TNIK: variants seen among roughly 807,000 people sequenced by gnomAD.
TNIK encodes the protein TRAF2 and NCK interacting kinase, also known as TRAF2 and NCK-interacting protein kinase.
In TNIK, 49 loss-of-function variants were observed where a neutral mutation model predicts 191.3. That is an observed-to-expected ratio of 0.26 (90% confidence interval 0.20 to 0.32). TNIK has a LOEUF of 0.32. Ranked by LOEUF, TNIK falls within the 10% of genes least tolerant of loss-of-function variation. TNIK has a pLI of 1.00. For synonymous variants in TNIK, 594 were observed against 600.9 expected, an observed-to-expected ratio of 0.99 and a Z score of 0.17; for missense variants, 1,155 against 1,702.3, an observed-to-expected ratio of 0.68 and a Z score of 5.66.
At chr3:171,108,754 T>C (rs928386042) in intron 19 of TNIK, among the ~76,000 whole-genome samples, 2 of 152,170 alleles carry the variant, frequency 1.3e-5, no homozygotes, top group Admixed American at 6.5e-5. Flanking sequence ...TAATTGGAGA[T>C]GGGAGTGGTC....
intron 2 of TNIK, among the ~76,000 whole-genome samples, chr3:171,338,658 TG>T (rs1226505059): frequency 1.5e-5 from 2 of 134,128 alleles, no homozygotes; most frequent in East Asian, 2.2e-4. Flanking sequence ...TCAGCTAAGT[TG>T]TTTTTTTTTT....
intron 1 of TNIK, among the ~76,000 whole-genome samples, chr3:171,409,707 C>A (rs957629748): frequency 1.1e-4 from 16 of 150,116 alleles, no homozygotes; most frequent in East Asian, 3.9e-4. Context: ...TCCCCAGACA[C>A]CACATACATC....
At chr3:171,263,342 A>G (rs1747900546) in intron 2 of TNIK, among the ~76,000 whole-genome samples, 1 of 152,214 alleles carries the variant, frequency 6.6e-6, no homozygotes, top group South Asian at 2.1e-4. Context: ...AAGGCTTTCA[A>G]ATTTAACTTT....
intron 2 of TNIK, among the ~76,000 whole-genome samples, chr3:171,309,603 A>C (rs1753808224): frequency 6.6e-6 from 1 of 152,158 alleles, no homozygotes; most frequent in African/African-American, 2.4e-5. Flanking sequence ...CCAATTACTG[A>C]TCTTACAATA....
At chr3:171,247,262 C>CGGTA (rs1463879208) in intron 2 of TNIK, among the ~76,000 whole-genome samples, 3 of 152,228 alleles carry the variant, frequency 2.0e-5, no homozygotes, top group African/African-American at 7.2e-5. Context: ...CATCTGTCCT[C>CGGTA]TACCAAGATT....
At chr3:171,204,559 G>A (rs945122005) in intron 4 of TNIK, among the ~76,000 whole-genome samples, 1 of 152,188 alleles carries the variant, frequency 6.6e-6, no homozygotes, top group Non-Finnish European at 1.5e-5. Flanking sequence ...CTAACAAAAT[G>A]CCACTAGTCT....
chr3:171,196,515 G>A (rs1436871821), intron 4 of TNIK, among the ~76,000 whole-genome samples: 2 of 151,956 alleles, frequency 1.3e-5, no homozygotes. Context: ...ACATCATGAG[G>A]ATACAATCAA....
In TNIK at chr3:171,339,964, T is replaced by C. The variant is rs187230616; in HGVS notation, c.123+29656A>G. Reference sequence around the variant, plus strand: ...TAGAAATAGTGTCCATATAATTATATACACAAATTATGAAAAATTCATAGA... The same window carrying C: ...TAGAAATAGTGTCCATATAATTATACACACAAATTATGAAAAATTCATAGA... On this transcript the variant is annotated intron_variant, in intron 2 of 32. Coordinates refer to ENST00000436636, the MANE Select transcript of TNIK (RefSeq NM_015028.4). 4.6e-5 allele frequency among the ~76,000 whole-genome samples: 7 copies of C among 152,286 alleles called. No homozygotes were observed. The East Asian group carries it at 1.4e-3, about 29-fold the overall frequency.
At chr3:171,095,848 C>T (rs1387800471) in intron 22 of TNIK, among the ~76,000 whole-genome samples, 1 of 152,090 alleles carries the variant, frequency 6.6e-6, no homozygotes, top group Non-Finnish European at 1.5e-5. Flanking sequence ...TCCAAAGAGG[C>T]ATTTTCATTT....
chr3:171,130,212 A>T (rs957656894), intron 15 of TNIK, among the ~76,000 whole-genome samples: 1 of 152,224 alleles, frequency 6.6e-6, no homozygotes, highest in Non-Finnish European at 1.5e-5. Context: ...GAATCTTTCT[A>T]GAGGCAGACT....
At chr3:171,372,203 C>G (rs1254129553) in intron 1 of TNIK, among the ~76,000 whole-genome samples, 1 of 152,174 alleles carries the variant, frequency 6.6e-6, no homozygotes, top group Admixed American at 6.5e-5. Flanking sequence ...ATGTCCCAAC[C>G]AATCAAAACC....
At chr3:171,400,723 C>T (rs1001174800) in intron 1 of TNIK, among the ~76,000 whole-genome samples, 4 of 152,116 alleles carry the variant, frequency 2.6e-5, no homozygotes, top group Non-Finnish European at 5.9e-5. Context: ...TTTGGAAACA[C>T]TTAACACATG....
intron 2 of TNIK, among the ~76,000 whole-genome samples, chr3:171,280,383 A>G (rs1441334738): frequency 6.6e-6 from 1 of 152,178 alleles, no homozygotes; most frequent in African/African-American, 2.4e-5. Context: ...TCCACCACTT[A>G]CAAGTTATGT....
intron 4 of TNIK, among the ~76,000 whole-genome samples, chr3:171,197,254 A>G (rs957714231): frequency 6.6e-6 from 1 of 152,230 alleles, no homozygotes; most frequent in African/African-American, 2.4e-5. Flanking sequence ...TATTAACTCA[A>G]AATGGATCAA....
At chr3:171,267,750 C>CT (rs957056360) in intron 2 of TNIK, among the ~76,000 whole-genome samples, 2 of 152,142 alleles carry the variant, frequency 1.3e-5, no homozygotes, top group Admixed American at 1.3e-4. Context: ...AACTTTTTAC[C>CT]TAACTGATAT....
chr3:171,156,236 G>A (rs577717147), intron 12 of TNIK, among the ~76,000 whole-genome samples: 1 of 152,186 alleles, frequency 6.6e-6, no homozygotes, highest in Non-Finnish European at 1.5e-5. Flanking sequence ...TATTATTGTT[G>A]CTGGTCTGAT....
chr3:171,434,772 T>C (rs764099614), intron 1 of TNIK, among the ~76,000 whole-genome samples: 55 of 152,306 alleles, frequency 3.6e-4, no homozygotes, highest in Non-Finnish European at 5.9e-4. Flanking sequence ...CATCCTCTTA[T>C]AATTCTTGTT....
intron 8 of TNIK, 72 bp downstream of exon 8, chr3:171,177,254 C>A (rs1220320175): frequency 6.6e-7 from 1 of 1,512,318 alleles, no homozygotes; most frequent in Non-Finnish European, 9.0e-7. Flanking sequence ...GCAACTGCAG[C>A]TCCTGGCAAG....
chr3:171,225,471 A>C, intron 3 of TNIK: 1 of 431,590 alleles, frequency 2.3e-6, no homozygotes, highest in African/African-American at 2.0e-5. Flanking sequence ...TTAAGCCTAA[A>C]TACTATAAAG....
Sources: allele counts gnomAD v4.1 joint callset (sites outside exome capture counted in the v4.1 genomes callset), GRCh38; gene constraint gnomAD v4.1.1; transcripts MANE v1.5; gene names NCBI Gene and HGNC (gene_info 2026-07-23, HGNC 2026-07-21).